The following RAB38 variants were observed in gnomAD, a reference collection of about 807,000 sequenced individuals.
RAB38 encodes ras-related protein Rab-38.
In RAB38, 15 loss-of-function variants were observed where a neutral mutation model predicts 18.4. That is an observed-to-expected ratio of 0.82 (90% confidence interval 0.55 to 1.26). RAB38 has a LOEUF of 1.26. Ranked by LOEUF, RAB38 falls within the 50% of genes most tolerant of loss-of-function variation. The probability of loss-of-function intolerance (pLI) is 0.00; values close to 1 mark genes in which losing one functional copy is unlikely to be tolerated. For synonymous variants in RAB38, 101 were observed against 104.4 expected, an observed-to-expected ratio of 0.97 and a Z score of 0.20; for missense variants, 294 against 267.4, an observed-to-expected ratio of 1.10 and a Z score of -0.69.
the RAB38 span, among the ~76,000 whole-genome samples, chr11:87,962,147 G>C: frequency 2.6e-5 from 4 of 152,060 alleles, no homozygotes; most frequent in Admixed American, 2.6e-4. Context: ...CTCAGAAAAG[G>C]AATGCCTTAA....
the RAB38 span, among the ~76,000 whole-genome samples, chr11:87,963,897 C>T: frequency 4.6e-5 from 7 of 152,018 alleles, no homozygotes; most frequent in Non-Finnish European, 1.0e-4. Flanking sequence ...CCACGCACAT[C>T]GGCCTCCCAA....
chr11:87,949,114 T>C, the RAB38 span, among the ~76,000 whole-genome samples: 1 of 152,206 alleles, frequency 6.6e-6, no homozygotes, highest in African/African-American at 2.4e-5. Context: ...TGGTTTAGTC[T>C]TGGGAGGGTG....
chr11:88,028,800 A>G, the RAB38 span, among the ~76,000 whole-genome samples: 2 of 152,306 alleles, frequency 1.3e-5, no homozygotes, highest in South Asian at 4.1e-4. Context: ...GTTGGAAAAC[A>G]CTCTGCAGGA....
chr11:87,857,904 CT>C, the RAB38 span, among the ~76,000 whole-genome samples: 1 of 152,046 alleles, frequency 6.6e-6, no homozygotes, highest in Non-Finnish European at 1.5e-5. Flanking sequence ...TTTGTTGCCA[CT>C]GCTTTTGGTG....
the RAB38 span, among the ~76,000 whole-genome samples, chr11:88,072,764 A>T: frequency 9.9e-5 from 15 of 152,168 alleles, no homozygotes; most frequent in African/African-American, 3.6e-4. Flanking sequence ...CAAAGAAAAA[A>T]ATATTTAAAT....
chr11:87,864,268 G>T, the RAB38 span, among the ~76,000 whole-genome samples: 3 of 151,168 alleles, frequency 2.0e-5, no homozygotes, highest in Admixed American at 2.0e-4. Context: ...AAATCACAAT[G>T]CTCATATAAT....
At chr11:87,918,462 T>G in the RAB38 span, among the ~76,000 whole-genome samples, 2 of 152,154 alleles carry the variant, frequency 1.3e-5, no homozygotes, top group African/African-American at 4.8e-5. Context: ...TCCAAACTGT[T>G]TCCCATAATG....
chr11:87,805,623 G>GCACACACA, the RAB38 span, among the ~76,000 whole-genome samples: 3 of 114,482 alleles, frequency 2.6e-5, no homozygotes, highest in Admixed American at 1.7e-4. Flanking sequence ...ACACACACAC[G>GCACACACA]CACACACACA....
chr11:88,167,036 G>C (rs1403514431), intron 1 of RAB38: 3 of 152,126 alleles, frequency 2.0e-5, no homozygotes, highest in Non-Finnish European at 4.4e-5. Context: ...GGAGGAAAAA[G>C]ACATTCCAAT....
At chr11:88,154,154 T>C (rs1943097367) in intron 1 of RAB38, among the ~76,000 whole-genome samples, 1 of 152,184 alleles carries the variant, frequency 6.6e-6, no homozygotes, top group Non-Finnish European at 1.5e-5. Context: ...AGCTAACTTG[T>C]GGAGTTTCTT....
the RAB38 span, among the ~76,000 whole-genome samples, chr11:88,033,725 CTT>C: frequency 4.0e-5 from 4 of 101,118 alleles, no homozygotes; most frequent in Non-Finnish European, 5.5e-5. Context: ...GTTGTGTTGC[CTT>C]TTTTTTTTTT....
the RAB38 span, among the ~76,000 whole-genome samples, chr11:87,946,904 C>G: frequency 2.0e-5 from 3 of 150,652 alleles, no homozygotes; most frequent in Non-Finnish European, 4.4e-5. Context: ...GGGTATATAC[C>G]CAGTAATGGG....
At chr11:88,146,249 C>T (rs1248807510) in intron 2 of RAB38, among the ~76,000 whole-genome samples, 1 of 152,098 alleles carries the variant, frequency 6.6e-6, no homozygotes, top group East Asian at 1.9e-4. Flanking sequence ...CAATGACTAA[C>T]TCATCTAAAA....
the RAB38 span, among the ~76,000 whole-genome samples, chr11:88,032,194 T>G: frequency 6.6e-6 from 1 of 152,138 alleles, no homozygotes; most frequent in African/African-American, 2.4e-5. Flanking sequence ...AAGCTGAAAC[T>G]GGATCCCTTC....
chr11:88,127,532 A>T (rs1548117), intron 2 of RAB38, among the ~76,000 whole-genome samples: 129,072 of 152,158 alleles, frequency 0.85, 55,018 homozygotes, highest in Middle Eastern at 0.93. Flanking sequence ...GGTTTGTGGA[A>T]AGAGACATTC....
At chr11:87,976,177 T>G in the RAB38 span, among the ~76,000 whole-genome samples, 1 of 147,778 alleles carries the variant, frequency 6.8e-6, no homozygotes, top group African/African-American at 2.5e-5. Flanking sequence ...TATATAGGTA[T>G]ATATAGGTAT....
chr11:87,977,592 AT>A, the RAB38 span, among the ~76,000 whole-genome samples: 1 of 117,774 alleles, frequency 8.5e-6, no homozygotes, highest in Non-Finnish European at 1.6e-5. Context: ...TTTTATAATA[AT>A]TATGTACTAT....
At chr11:88,080,748 A>G in the RAB38 span, among the ~76,000 whole-genome samples, 1 of 151,570 alleles carries the variant, frequency 6.6e-6, no homozygotes, top group African/African-American at 2.4e-5. Context: ...CCTGATACCC[A>G]AGTGTGGTTA....
the RAB38 span, among the ~76,000 whole-genome samples, chr11:87,955,089 G>A: frequency 6.6e-6 from 1 of 152,340 alleles, no homozygotes; most frequent in African/African-American, 2.4e-5. Flanking sequence ...AAGCAGCTGT[G>A]CATGCAGTAG....
Sources: allele counts gnomAD v4.1 joint callset (sites outside exome capture counted in the v4.1 genomes callset), GRCh38; gene constraint gnomAD v4.1.1; transcripts MANE v1.5; gene names NCBI Gene and HGNC (gene_info 2026-07-23, HGNC 2026-07-21).